The following CACNA1C variants were observed in gnomAD, a reference collection of about 807,000 sequenced individuals.
CACNA1C encodes voltage-dependent L-type calcium channel subunit alpha-1C.
CACNA1C carries 30 observed loss-of-function variants against 229.0 expected under a neutral mutation model. That is an observed-to-expected ratio of 0.13 (90% CI 0.10 to 0.18). The LOEUF (loss-of-function observed/expected upper bound fraction) is 0.18, where lower values mean the gene tolerates loss of function less well. Among genes scored for constraint, CACNA1C ranks in the 10% least tolerant of loss-of-function variants. The pLI, the probability that CACNA1C is intolerant of heterozygous loss-of-function variation, is 1.00. For synonymous variants in CACNA1C, 1,114 were observed against 1,132.5 expected (o/e 0.98, Z 0.33); for missense variants, 1,658 against 2,845.0 (o/e 0.58, Z 9.49).
intron 3 of CACNA1C, among the ~76,000 whole-genome samples, chr12:2,307,914 A>G (rs1281518328): frequency 1.3e-5 from 2 of 152,190 alleles, no homozygotes; most frequent in Non-Finnish European, 1.5e-5. Context: ...GGACTTATTT[A>G]AAAGGAAGAC....
At chr12:2,121,579 A>T (rs2086759585) in intron 3 of CACNA1C, among the ~76,000 whole-genome samples, 1 of 152,232 alleles carries the variant, frequency 6.6e-6, no homozygotes, top group Non-Finnish European at 1.5e-5. Flanking sequence ...GACAGGCTCC[A>T]AAAATTTCAA....
rs941770920 is a variant in CACNA1C at position 2,632,291 on chromosome 12, G to C, written c.3829-2006G>C. Among the ~76,000 whole-genome samples, 1 of 28,284 alleles carries C rather than the reference G, an allele frequency of 3.5e-5. No individual in the cohort carries two copies. Among genetic ancestry groups the C allele is most frequent in the African/African-American group, 1.2e-4 (1 of 8,082 alleles). The allele number at this position is 28,284 out of a possible 152,430, so 18.6% of individuals were successfully genotyped here. A position where few individuals can be genotyped will look rare whatever the true frequency, so the allele number is the denominator to read the frequency against. The stretch of plus-strand genomic sequence containing the variant: ...GGGAATATGACCGCCTGTAGCTGGG[G>C]GTGTATGGGGACTATGACCGCCTGT... On this transcript the variant is annotated intron_variant, in intron 29 of 46. Transcript: ENST00000399655. The surrounding 1 kb of genome is among the most constrained non-coding windows in gnomAD (Gnocchi z 4.1).
At chr12:2,690,715 C>CA in intron 46 of CACNA1C, 185 bp from the exon 47 acceptor site, 1 of 592,292 alleles carries the variant, frequency 1.7e-6, no homozygotes, top group East Asian at 2.9e-5. Context: ...CTAATTCTGG[C>CA]AGATGCTCCA....
chr12:2,165,992 G>C (rs2096204926), intron 3 of CACNA1C, among the ~76,000 whole-genome samples: 1 of 152,236 alleles, frequency 6.6e-6, no homozygotes, highest in South Asian at 2.1e-4. Context: ...CATACGTGCA[G>C]AGGGCACGTA....
intron 3 of CACNA1C, among the ~76,000 whole-genome samples, chr12:2,183,579 C>CCG (rs2096905874): frequency 6.6e-6 from 1 of 152,174 alleles, no homozygotes; most frequent in African/African-American, 2.4e-5. Flanking sequence ...GGGACAGACC[C>CCG]CCCCCCGGCT....
chr12:2,609,818 C>T (rs1464429265), intron 27 of CACNA1C, among the ~76,000 whole-genome samples: 1 of 151,812 alleles, frequency 6.6e-6, no homozygotes, highest in African/African-American at 2.4e-5. Flanking sequence ...TGGACACTGG[C>T]AAATAAGAAA....
intron 1 of CACNA1C, among the ~76,000 whole-genome samples, chr12:2,079,990 G>A (rs1433378623): frequency 6.6e-6 from 1 of 152,232 alleles, no homozygotes; most frequent in Non-Finnish European, 1.5e-5. Flanking sequence ...GCTGGGTGTG[G>A]TGGCTCACAC....
At chr12:2,393,841 C>T (rs910997122) in intron 3 of CACNA1C, among the ~76,000 whole-genome samples, 3 of 151,778 alleles carry the variant, frequency 2.0e-5, no homozygotes, top group African/African-American at 7.3e-5. Context: ...CGTGGAGGCT[C>T]ACTCCTGTAA....
At chr12:2,298,728 G>T (rs1313422178) in intron 3 of CACNA1C, among the ~76,000 whole-genome samples, 1 of 152,236 alleles carries the variant, frequency 6.6e-6, no homozygotes, top group African/African-American at 2.4e-5. Flanking sequence ...CTCTATGGCC[G>T]CAGAATTGGC....
At chr12:2,515,538 C>G (rs549154052) in intron 9 of CACNA1C, among the ~76,000 whole-genome samples, 2 of 152,334 alleles carry the variant, frequency 1.3e-5, no homozygotes, top group African/African-American at 4.8e-5. Flanking sequence ...TTTGCCAATT[C>G]TCTTCAGCTC....
chr12:2,169,208 T>G (rs1223613365), intron 3 of CACNA1C, among the ~76,000 whole-genome samples: 3 of 152,150 alleles, frequency 2.0e-5, no homozygotes, highest in Non-Finnish European at 4.4e-5. Flanking sequence ...CAATATAATT[T>G]TTGTGTGCTG....
At chr12:2,382,178 A>G (rs2098266259) in intron 3 of CACNA1C, among the ~76,000 whole-genome samples, 1 of 152,276 alleles carries the variant, frequency 6.6e-6, no homozygotes, top group Non-Finnish European at 1.5e-5. Flanking sequence ...TATAGACAAC[A>G]CACCACAATA....
chr12:2,406,856 T>C (rs1314535426), intron 3 of CACNA1C, among the ~76,000 whole-genome samples: 2 of 152,364 alleles, frequency 1.3e-5, no homozygotes, highest in African/African-American at 2.4e-5. Flanking sequence ...ACCTGGATGT[T>C]CTGGGTATTA....
intron 27 of CACNA1C, among the ~76,000 whole-genome samples, 178 bp from the exon 28 acceptor site, chr12:2,610,363 T>C (rs1034430119): frequency 1.3e-5 from 2 of 152,086 alleles, no homozygotes; most frequent in Non-Finnish European, 2.9e-5. Flanking sequence ...AATCAAGACA[T>C]TTTCCAAATA....
At chr12:2,099,490 GT>G (rs1291902755) in intron 1 of CACNA1C, among the ~76,000 whole-genome samples, 2 of 152,120 alleles carry the variant, frequency 1.3e-5, no homozygotes, top group African/African-American at 4.8e-5. Context: ...CCTCAGGCAG[GT>G]TGGGAGGCAG....
At chr12:2,366,831 A>G (rs1377533308) in intron 3 of CACNA1C, among the ~76,000 whole-genome samples, 2 of 152,200 alleles carry the variant, frequency 1.3e-5, no homozygotes, top group Non-Finnish European at 2.9e-5. Flanking sequence ...ATTTACAATC[A>G]TGGCAGAAGG....
At chr12:2,307,842 A>G (rs1417114949) in intron 3 of CACNA1C, among the ~76,000 whole-genome samples, 1 of 152,172 alleles carries the variant, frequency 6.6e-6, no homozygotes, top group Non-Finnish European at 1.5e-5. Context: ...GCTGCCCACT[A>G]TTGCAGACTA....
intron 3 of CACNA1C, among the ~76,000 whole-genome samples, chr12:2,154,228 G>A (rs534584652): frequency 6.6e-6 from 1 of 152,276 alleles, no homozygotes; most frequent in East Asian, 1.9e-4. Context: ...AACAAACAAC[G>A]AAGAAATCCT....
At position 2,641,609 on chromosome 12, in the gene CACNA1C, A is replaced by T. The variant is rs1023245928; in HGVS notation, c.3913-6866A>T. ...CCCCACCCCCAACAAACCTAATGCT[A>T]CCAAGATGCCTTGTTTCAAAATGAA... On this transcript the variant is annotated intron_variant, in intron 30 of 46. Transcript: ENST00000399655. 6.1e-6 allele frequency: 4 copies of T among 652,354 alleles called. No homozygotes were observed. The East Asian group carries it at 1.1e-4, about 18-fold the overall frequency. 40.4% of individuals were successfully genotyped at this position (652,354 alleles called of 1,614,324 possible).
Sources: allele counts gnomAD v4.1 joint callset (sites outside exome capture counted in the v4.1 genomes callset), GRCh38; gene constraint gnomAD v4.1.1; non-coding constraint Gnocchi (gnomAD v3.1); transcripts MANE v1.5; gene names NCBI Gene and HGNC (gene_info 2026-07-23, HGNC 2026-07-21).